Variants in KIF2C observed in about 807,000 individuals in gnomAD.
KIF2C encodes kinesin-like protein KIF2C.
Under a neutral mutation model 97.4 loss-of-function variants are expected in KIF2C, and 34 were observed. The observed-to-expected ratio is 0.35, with a 90% CI of 0.27 to 0.46. The LOEUF (loss-of-function observed/expected upper bound fraction) is 0.46, where lower values mean the gene tolerates loss of function less well. Among genes scored for constraint, KIF2C ranks in the 20% least tolerant of loss-of-function variants. KIF2C has a pLI of 1.00. For synonymous variants in KIF2C, 313 were observed against 318.2 expected, an observed-to-expected ratio of 0.98 and a Z score of 0.17; for missense variants, 750 against 907.6, an observed-to-expected ratio of 0.83 and a Z score of 2.23.
At position 44,760,707 on chromosome 1, in the gene KIF2C, G is replaced by A. The variant is rs747680073; in HGVS notation, c.1683+5G>A. 1.9e-6 allele frequency: 3 copies of A among 1,606,770 alleles called. No individual in the cohort carries two copies. The highest frequency in any genetic ancestry group is 2.6e-6 in the Non-Finnish European group (3 of 1,173,382). On this transcript the variant is annotated splice_donor_5th_base_variant and intron_variant, in intron 16 of 20. Coordinates refer to ENST00000372224, the MANE Select transcript of KIF2C (RefSeq NM_006845.4). The surrounding 1 kb of genome is among the most constrained non-coding windows in gnomAD (Gnocchi z 4.2). The stretch of plus-strand genomic sequence containing the variant: ...GAGAACTCTAGGACTTGCATGGTGA[G>A]TAGGGTCACTTTGAAGGTGATGGTA...
chr1:44,745,464 CTTTTT>C (rs869293971), intron 2 of KIF2C, among the ~76,000 whole-genome samples: 6 of 38,354 alleles, frequency 1.6e-4, no homozygotes, highest in African/African-American at 3.5e-4. Context: ...TTGTATATGT[CTTTTT>C]TTTTTTTTTT....
At chr1:44,754,523 T>G (rs1194949245) in intron 7 of KIF2C, among the ~76,000 whole-genome samples, 3 of 152,168 alleles carry the variant, frequency 2.0e-5, no homozygotes, top group Non-Finnish European at 4.4e-5. Flanking sequence ...TCCTAAAATG[T>G]GGAACTGGCC....
At chr1:44,751,244 G>A (rs572211397) in intron 5 of KIF2C, among the ~76,000 whole-genome samples, 15 of 152,124 alleles carry the variant, frequency 9.9e-5, no homozygotes, top group African/African-American at 3.4e-4. Flanking sequence ...CACCCAGGCT[G>A]GAGTGCAATG....
In KIF2C at chr1:44,767,444, G is replaced by A; in HGVS notation, c.*265G>A. ...TTTGTGTTGCCCTTCTTTCCATCAA[G>A]GGGAATGTTCTCAGCATAGAGCTTT... On this transcript the variant is annotated 3_prime_UTR_variant, in exon 21 of 21. Coordinates refer to ENST00000372224, the MANE Select transcript of KIF2C (RefSeq NM_006845.4). The A allele has an allele frequency of 2.6e-6, 1 of 390,906 alleles. No homozygotes were observed. Among genetic ancestry groups the A allele is most frequent in the South Asian group, 2.3e-5 (1 of 44,180 alleles). 24.2% of individuals were successfully genotyped at this position (390,906 alleles called of 1,614,324 possible). A position where few individuals can be genotyped will look rare whatever the true frequency, so the allele number is the denominator to read the frequency against.
chr1:44,751,756 C>A (rs1343390887), intron 5 of KIF2C, among the ~76,000 whole-genome samples: 3 of 151,002 alleles, frequency 2.0e-5, no homozygotes, highest in Non-Finnish European at 4.4e-5. Context: ...GATCTGCCCG[C>A]CTTGGCCTCT....
At chr1:44,748,454 G>T (rs1321469071) in intron 4 of KIF2C, among the ~76,000 whole-genome samples, 1 of 152,138 alleles carries the variant, frequency 6.6e-6, no homozygotes, top group Non-Finnish European at 1.5e-5. Flanking sequence ...TTTCTTGCTG[G>T]GTGTACCGTA....
intron 2 of KIF2C, among the ~76,000 whole-genome samples, chr1:44,744,657 C>T (rs6678729): frequency 0.45 from 68,576 of 151,784 alleles, 16,162 homozygotes; most frequent in African/African-American, 0.59. Flanking sequence ...TCCCAGCACT[C>T]TGGGAAGCTG....
At chr1:44,759,487 G>A (rs1467463140) in intron 14 of KIF2C, 139 bp downstream of exon 14, 2 of 1,029,794 alleles carry the variant, frequency 1.9e-6, no homozygotes, top group Admixed American at 2.2e-5. Context: ...CTGCTTTACG[G>A]GGTCTCAATA....
chr1:44,757,713 G>A (rs1649917231), intron 11 of KIF2C, 67 bp downstream of exon 11: 2 of 1,248,186 alleles, frequency 1.6e-6, no homozygotes, highest in Non-Finnish European at 2.4e-6. Context: ...TATAAAGGGA[G>A]ACAATGAGTT....
chr1:44,765,790 G>A (rs1231521851), intron 19 of KIF2C, among the ~76,000 whole-genome samples: 3 of 152,134 alleles, frequency 2.0e-5, no homozygotes, highest in African/African-American at 4.8e-5. Flanking sequence ...GATGGCTCAC[G>A]CCTGTAATCC....
intron 2 of KIF2C, among the ~76,000 whole-genome samples, chr1:44,743,772 C>A (rs1363010849): frequency 6.6e-6 from 1 of 152,086 alleles, no homozygotes; most frequent in Non-Finnish European, 1.5e-5. Context: ...CAGAGTGAGA[C>A]CCTGTCTCAA....
At chr1:44,759,101 C>G in intron 13 of KIF2C, 105 bp from the exon 14 acceptor site, 1 of 1,439,600 alleles carries the variant, frequency 6.9e-7, no homozygotes, top group Non-Finnish European at 9.6e-7. Context: ...TCTGCCTTTC[C>G]TGCTGCTGGC....
At position 44,760,187 on chromosome 1, in the gene KIF2C, A is replaced by T; in HGVS notation, c.1368-93A>T. The T allele has an allele frequency of 8.4e-7, 1 of 1,192,532 alleles. No homozygotes were observed. 73.9% of individuals were successfully genotyped at this position (1,192,532 alleles called of 1,614,324 possible). On this transcript the variant is annotated intron_variant, in intron 14 of 20. Transcript: ENST00000372224. This position sits in a 1 kb window ranked among gnomAD's most constrained non-coding sequence, Gnocchi z 4.2. ...GGAAAACAGGACTTTTTCGCCTCCT[A>T]ACCTGTGTCCCTCCCTTCCTAGAGA... is the stretch of plus-strand genomic sequence containing the variant.
chr1:44,754,552 G>A (rs543341557), intron 7 of KIF2C, among the ~76,000 whole-genome samples, 198 bp from the exon 8 acceptor site: 4 of 152,228 alleles, frequency 2.6e-5, no homozygotes, highest in African/African-American at 4.8e-5. Flanking sequence ...AGTTCCTAGC[G>A]TGCTTTGGCG....
chr1:44,753,441 G>A (rs985818695), intron 6 of KIF2C, among the ~76,000 whole-genome samples, 187 bp downstream of exon 6: 1 of 152,216 alleles, frequency 6.6e-6, no homozygotes, highest in African/African-American at 2.4e-5. Context: ...TCACTTCTGT[G>A]GTTGTTGAGA....
chr1:44,763,906 G>A (rs1318033823), intron 19 of KIF2C, among the ~76,000 whole-genome samples: 3 of 151,974 alleles, frequency 2.0e-5, no homozygotes, highest in East Asian at 1.9e-4. Context: ...GGTGGCGGGC[G>A]CCTGTAATCT....
Position 44,751,530 on chromosome 1 carries a change from C to A in KIF2C, c.439+966C>A, listed in dbSNP as rs564676041. On this transcript the variant is annotated intron_variant, in intron 5 of 20. Coordinates refer to ENST00000372224, the MANE Select transcript of KIF2C (RefSeq NM_006845.4). ...TACTTTTTTTTTTTTTTTTTTGAGACGGAATTTTGCTCTTGTTGCCCAGGC... is the reference window on the plus strand; with the variant it reads ...TACTTTTTTTTTTTTTTTTTTGAGAAGGAATTTTGCTCTTGTTGCCCAGGC... Among the ~76,000 whole-genome samples the A allele has an allele frequency of 1.0e-4, 13 of 124,140 alleles. No homozygotes were observed. The East Asian group carries it at 2.3e-3, about 22-fold the overall frequency. 81.4% of individuals were successfully genotyped at this position (124,140 alleles called of 152,430 possible).
rs1650512311 is a variant in KIF2C, at chr1:44,767,148, G to A, written c.2147G>A (p.Arg716Lys). 1 of 1,613,774 alleles carries A rather than the reference G, an allele frequency of 6.2e-7. No individual in the cohort carries two copies. The highest frequency in any genetic ancestry group is 8.5e-7 in the Non-Finnish European group (1 of 1,179,956). ...ATGCAGCTGGAAGAGCAGGCTAGCA[G>A]ACAAATAAGCAGCAAGAAACGGCCC... ...LAMQLEEQAS[R>K]QISSKKRPQ is the part of the protein sequence containing the mutation. Residue 716 changes from arginine to lysine, a missense_variant, in exon 21 of 21, where the codon AGA (arginine) becomes AAA (lysine). By Grantham distance (26) the Arg-to-Lys change is conservative. Transcript: ENST00000372224.
chr1:44,759,393 T>C (rs1650021681), intron 14 of KIF2C, 45 bp downstream of exon 14: 2 of 1,608,890 alleles, frequency 1.2e-6, no homozygotes, highest in Non-Finnish European at 1.7e-6. Context: ...TCATGTCTGG[T>C]TTATGAGTAA....
Sources: gnomAD v4.1 joint callset for allele counts (sites outside exome capture counted in the v4.1 genomes callset) on GRCh38, gnomAD v4.1.1 for gene constraint, Gnocchi (gnomAD v3.1) non-coding constraint, MANE v1.5 for transcripts, NCBI Gene and HGNC (gene_info 2026-07-23, HGNC 2026-07-21) for gene names.